Variants in NBAS observed in about 807,000 individuals in gnomAD.
NBAS encodes NAG/BC035112 fusion.
NBAS carries 219 observed loss-of-function variants against 302.5 expected under a neutral mutation model. That is an observed-to-expected ratio of 0.72 (90% CI 0.65 to 0.81). The LOEUF (loss-of-function observed/expected upper bound fraction) is 0.81. Among genes scored for constraint, NBAS ranks in the 30% least tolerant of loss-of-function variants. NBAS has a pLI of 0.00. For missense variants in NBAS, 2,932 were observed against 2,841.6 expected, an observed-to-expected ratio of 1.03 and a Z score of -0.72; for synonymous variants, 1,118 against 1,021.6, an observed-to-expected ratio of 1.09 and a Z score of -1.80.
chr2:15,065,044 T>A, the NBAS span, among the ~76,000 whole-genome samples: 1 of 152,026 alleles, frequency 6.6e-6, no homozygotes, highest in Admixed American at 6.5e-5. Flanking sequence ...AATTCAACAC[T>A]CTTCATAATA....
intron 50 of NBAS, among the ~76,000 whole-genome samples, chr2:15,185,844 T>C (rs1384996019): frequency 1.3e-5 from 2 of 152,184 alleles, no homozygotes; most frequent in Non-Finnish European, 2.9e-5. Flanking sequence ...GAGAATATTT[T>C]CCTTGAGTGA....
chr2:15,410,000 CTGT>C (rs1243695426), intron 25 of NBAS, among the ~76,000 whole-genome samples: 1 of 152,126 alleles, frequency 6.6e-6, no homozygotes, highest in East Asian at 1.9e-4. Context: ...TTAGGCAAGC[CTGT>C]TGTTTGACTG....
At chr2:15,328,399 A>G in intron 36 of NBAS, 87 bp from the exon 37 acceptor site, 4 of 1,108,746 alleles carry the variant, frequency 3.6e-6, no homozygotes, top group Non-Finnish European at 5.4e-6. Context: ...AAGAAGGGAG[A>G]GAGGGAGGAA....
At chr2:15,126,973 G>A in the NBAS span, among the ~76,000 whole-genome samples, 1 of 152,314 alleles carries the variant, frequency 6.6e-6, no homozygotes, top group East Asian at 1.9e-4. Flanking sequence ...ACTGAGGTTT[G>A]TCTAGCTCAG....
chr2:15,423,463 T>A (rs1677307136), intron 23 of NBAS, among the ~76,000 whole-genome samples: 1 of 152,172 alleles, frequency 6.6e-6, no homozygotes, highest in Non-Finnish European at 1.5e-5. Context: ...ATAAACTAAG[T>A]AGAAATTCAT....
chr2:15,472,988 A>G (rs998982993), intron 16 of NBAS, among the ~76,000 whole-genome samples: 1 of 152,252 alleles, frequency 6.6e-6, no homozygotes, highest in Non-Finnish European at 1.5e-5. Flanking sequence ...GCCGAGACCA[A>G]GTAGTTAGCT....
chr2:15,082,614 C>A, the NBAS span, among the ~76,000 whole-genome samples: 1 of 152,186 alleles, frequency 6.6e-6, no homozygotes, highest in Non-Finnish European at 1.5e-5. Flanking sequence ...ATTCCCTGAG[C>A]AAACAGCCCT....
chr2:15,069,556 CAA>C, the NBAS span, among the ~76,000 whole-genome samples: 15 of 146,006 alleles, frequency 1.0e-4, no homozygotes, highest in Admixed American at 4.7e-4. Context: ...CAGTGGGGCT[CAA>C]AAAAAAAAAA....
chr2:14,830,968 C>T, the NBAS span, among the ~76,000 whole-genome samples: 1 of 152,128 alleles, frequency 6.6e-6, no homozygotes, highest in African/African-American at 2.4e-5. Context: ...GGAAGTGAGG[C>T]TCATAATCAG....
chr2:14,821,535 C>T, the NBAS span, among the ~76,000 whole-genome samples: 2 of 152,088 alleles, frequency 1.3e-5, no homozygotes, highest in African/African-American at 4.8e-5. Flanking sequence ...AATCTCAAAT[C>T]CCCTGCTATT....
intron 35 of NBAS, among the ~76,000 whole-genome samples, chr2:15,345,649 A>G (rs967074905): frequency 6.6e-6 from 1 of 152,192 alleles, no homozygotes; most frequent in African/African-American, 2.4e-5. Flanking sequence ...GAATTAGAAA[A>G]AACTACTTTA....
At chr2:15,224,047 T>C (rs1235036334) in intron 47 of NBAS, among the ~76,000 whole-genome samples, 1 of 152,170 alleles carries the variant, frequency 6.6e-6, no homozygotes, top group Non-Finnish European at 1.5e-5. Context: ...GGAAGTCATG[T>C]GCAATACATA....
chr2:15,177,983 C>A, intron 51 of NBAS: 1 of 327,810 alleles, frequency 3.1e-6, no homozygotes, highest in Non-Finnish European at 6.2e-6. Flanking sequence ...ATGATTATTT[C>A]CAAATACAAT....
chr2:15,281,464 T>A (rs1451013914), intron 42 of NBAS, among the ~76,000 whole-genome samples: 1 of 152,230 alleles, frequency 6.6e-6, no homozygotes, highest in Non-Finnish European at 1.5e-5. Context: ...AAAAATCAGA[T>A]GTGCAATGTT....
chr2:15,025,713 C>T, the NBAS span, among the ~76,000 whole-genome samples: 2 of 152,132 alleles, frequency 1.3e-5, no homozygotes, highest in South Asian at 2.1e-4. Flanking sequence ...GTATTTTACT[C>T]ATTTTGTGAC....
At chr2:15,278,932 G>C (rs1558498116) in intron 42 of NBAS, among the ~76,000 whole-genome samples, 1 of 152,098 alleles carries the variant, frequency 6.6e-6, no homozygotes, top group Non-Finnish European at 1.5e-5. Context: ...CCTGTACAAG[G>C]AACAGTGAAT....
the NBAS span, among the ~76,000 whole-genome samples, chr2:14,905,816 T>G: frequency 6.6e-6 from 1 of 152,174 alleles, no homozygotes. Context: ...GCCTTCATTA[T>G]GTAAATCCCA....
intron 28 of NBAS, among the ~76,000 whole-genome samples, chr2:15,385,609 A>T (rs1675252391): frequency 6.6e-6 from 1 of 152,326 alleles, no homozygotes; most frequent in East Asian, 1.9e-4. Context: ...CAGCTTTGGA[A>T]TAGATGTGGA....
At chr2:14,998,621 C>A in the NBAS span, among the ~76,000 whole-genome samples, 1 of 152,196 alleles carries the variant, frequency 6.6e-6, no homozygotes, top group Non-Finnish European at 1.5e-5. Context: ...GGATTCATGT[C>A]CCATTCCCTT....
Sources: gnomAD v4.1 joint callset for allele counts (sites outside exome capture counted in the v4.1 genomes callset) on GRCh38, gnomAD v4.1.1 for gene constraint, MANE v1.5 for transcripts, NCBI Gene and HGNC (gene_info 2026-07-23, HGNC 2026-07-21) for gene names.